SMIM13: variants seen among roughly 807,000 people sequenced by gnomAD.
The protein encoded by SMIM13 is UPF0766 protein C6orf228.
In SMIM13, 3 loss-of-function variants were observed where a neutral mutation model predicts 5.9. The ratio of observed to expected loss-of-function variants is 0.51; its 90% CI spans 0.23 to 1.31. SMIM13 has a LOEUF of 1.31. Among genes scored for constraint, SMIM13 ranks in the 40% most tolerant of loss-of-function variants. SMIM13 has a pLI of 0.18. For missense variants in SMIM13, 85 were observed against 109.9 expected, an observed-to-expected ratio of 0.77 and a Z score of 1.01; for synonymous variants, 55 against 46.0, an observed-to-expected ratio of 1.19 and a Z score of -0.79.
At chr6:11,107,633 A>G (rs1042043970) in intron 1 of SMIM13, among the ~76,000 whole-genome samples, 4 of 152,220 alleles carry the variant, frequency 2.6e-5, no homozygotes, top group Non-Finnish European at 2.9e-5. Flanking sequence ...AGAGTCTTTA[A>G]GGTCTAAGAC....
At chr6:11,115,622 C>G (rs992089446) in intron 1 of SMIM13, among the ~76,000 whole-genome samples, 9 of 152,056 alleles carry the variant, frequency 5.9e-5, no homozygotes, top group African/African-American at 1.7e-4. Flanking sequence ...AATAATATAA[C>G]CTAATAAAGG....
chr6:11,112,248 G>T (rs905604261), intron 1 of SMIM13, among the ~76,000 whole-genome samples: 1 of 151,700 alleles, frequency 6.6e-6, no homozygotes, highest in Non-Finnish European at 1.5e-5. Flanking sequence ...CCTCCTGATA[G>T]AACTGCTTGC....
At chr6:11,114,789 G>T (rs111491801) in intron 1 of SMIM13, among the ~76,000 whole-genome samples, 1 of 151,350 alleles carries the variant, frequency 6.6e-6, no homozygotes, top group African/African-American at 2.4e-5. Flanking sequence ...TAGTAGAGAC[G>T]GGGTTTCACC....
In SMIM13 at chr6:11,095,598, C is replaced by T. The variant is rs533093154; in HGVS notation, c.76+1209C>T. On this transcript the variant is annotated intron_variant, in intron 1 of 1. Coordinates refer to ENST00000416247, the MANE Select transcript of SMIM13 (RefSeq NM_001135575.2). ...AACTCCTGACCTCATGTGATCTACC[C>T]GCCTTGGCCTCCCAAAGTGCTGGGA... Among the ~76,000 whole-genome samples, 6 of 152,272 alleles carry T rather than the reference C, an allele frequency of 3.9e-5. No individual in the cohort carries two copies. In the South Asian group the frequency reaches 6.2e-4, roughly 16 times the overall value.
At chr6:11,097,095 C>T (rs1757935488) in intron 1 of SMIM13, among the ~76,000 whole-genome samples, 1 of 152,182 alleles carries the variant, frequency 6.6e-6, no homozygotes, top group Non-Finnish European at 1.5e-5. Context: ...ACCTCGACCT[C>T]CCAAAGTGCT....
At chr6:11,109,133 G>A (rs560047514) in intron 1 of SMIM13, among the ~76,000 whole-genome samples, 1 of 152,328 alleles carries the variant, frequency 6.6e-6, no homozygotes, top group South Asian at 2.1e-4. Context: ...CAAATTGTTG[G>A]ACCGCCACCA....
chr6:11,126,565 C>T (rs887471873), intron 1 of SMIM13, among the ~76,000 whole-genome samples: 1 of 152,176 alleles, frequency 6.6e-6, no homozygotes. Flanking sequence ...TGAGCCTCCT[C>T]AAAACAGCTA....
chr6:11,134,261 AT>A lies in SMIM13; in HGVS notation c.77-141del, dbSNP rs1366836315. On this transcript the variant is annotated intron_variant, in intron 1 of 1. Coordinates refer to ENST00000416247, the MANE Select transcript of SMIM13 (RefSeq NM_001135575.2). ...TTTATCCTCATTCCTTGTACAAAAAATGTTTGTTATATCATTATATATTTGT... is the reference window on the plus strand; with the variant it reads ...TTTATCCTCATTCCTTGTACAAAAAAGTTTGTTATATCATTATATATTTGT... The A allele has an allele frequency of 4.8e-5, 26 of 536,198 alleles. No individual in the cohort carries two copies. In the South Asian group the frequency reaches 7.5e-4, roughly 15 times the overall value. 33.2% of individuals were successfully genotyped at this position (536,198 alleles called of 1,614,324 possible).
At chr6:11,121,796 C>G (rs572110914) in intron 1 of SMIM13, among the ~76,000 whole-genome samples, 20 of 152,344 alleles carry the variant, frequency 1.3e-4, no homozygotes, top group African/African-American at 4.8e-4. Flanking sequence ...TACAGTCATT[C>G]TTTATGTCCA....
chr6:11,109,381 A>T (rs1331412433), intron 1 of SMIM13, among the ~76,000 whole-genome samples: 1 of 152,078 alleles, frequency 6.6e-6, no homozygotes, highest in Non-Finnish European at 1.5e-5. Context: ...TAACTTAAGG[A>T]GGTGGTGTCC....
At chr6:11,103,858 G>A in intron 1 of SMIM13, 2 of 1,551,696 alleles carry the variant, frequency 1.3e-6, no homozygotes, top group South Asian at 2.4e-5. Context: ...CCTGTAAGGG[G>A]AAGAACCCAA....
At position 11,094,028 on chromosome 6, in the gene SMIM13, C is replaced by A. The variant is rs1455161227; in HGVS notation, c.-286C>A. 6.6e-6 allele frequency: 1 copy of A among 152,404 alleles called. No individual in the cohort carries two copies. Among genetic ancestry groups the A allele is most frequent in the East Asian group, 1.9e-4 (1 of 5,198 alleles). The allele number at this position is 152,404 out of a possible 1,614,324, so 9.4% of individuals were successfully genotyped here. ...CTGGGGTCTCTGGGTGCCGCGGCCT[C>A]GGCTCTCCGGGGCGATGAGGGACTA... On this transcript the variant is annotated 5_prime_UTR_variant, in exon 1 of 2. Transcript: ENST00000416247.
intron 1 of SMIM13, among the ~76,000 whole-genome samples, chr6:11,110,550 T>C (rs753004725): frequency 3.9e-5 from 6 of 152,156 alleles, no homozygotes; most frequent in Non-Finnish European, 8.8e-5. Context: ...TGATACATAT[T>C]GAGAAGGGCC....
chr6:11,106,458 C>A (rs28799673), intron 1 of SMIM13, among the ~76,000 whole-genome samples: 3,287 of 152,332 alleles, frequency 0.022, 115 homozygotes, highest in African/African-American at 0.074. Flanking sequence ...GTCCCTCCCC[C>A]ACTGAACACT....
chr6:11,101,457 G>T (rs1056325240), intron 1 of SMIM13, among the ~76,000 whole-genome samples: 1 of 152,124 alleles, frequency 6.6e-6, no homozygotes, highest in Non-Finnish European at 1.5e-5. Flanking sequence ...GCTGTTTCTC[G>T]CAATACCAGG....
intron 1 of SMIM13, among the ~76,000 whole-genome samples, chr6:11,132,677 C>T (rs1444513086): frequency 6.6e-6 from 1 of 152,104 alleles, no homozygotes; most frequent in East Asian, 1.9e-4. Context: ...GACACAGAGG[C>T]CACGTATTGT....
At chr6:11,096,257 A>G (rs1328818604) in intron 1 of SMIM13, among the ~76,000 whole-genome samples, 3 of 152,152 alleles carry the variant, frequency 2.0e-5, no homozygotes, top group Admixed American at 6.5e-5. Flanking sequence ...TTAGATTCTC[A>G]TAAGGAGCGA....
chr6:11,117,983 G>T (rs753943883), intron 1 of SMIM13, among the ~76,000 whole-genome samples: 14 of 151,922 alleles, frequency 9.2e-5, no homozygotes, highest in Non-Finnish European at 1.5e-4. Context: ...TGACCCGCCC[G>T]CCTCGGCCTC....
At chr6:11,123,568 A>G (rs1391605031) in intron 1 of SMIM13, among the ~76,000 whole-genome samples, 1 of 152,244 alleles carries the variant, frequency 6.6e-6, no homozygotes, top group African/African-American at 2.4e-5. Flanking sequence ...CCAGAAGTGT[A>G]TGACAGAACA....
Sources: allele counts gnomAD v4.1 joint callset (sites outside exome capture counted in the v4.1 genomes callset), GRCh38; gene constraint gnomAD v4.1.1; transcripts MANE v1.5; gene names NCBI Gene and HGNC (gene_info 2026-07-23, HGNC 2026-07-21).